The following PALS1 variants were observed in gnomAD, a reference collection of about 807,000 sequenced individuals.
The protein encoded by PALS1 is protein PALS1.
A neutral mutation model predicts 78.9 loss-of-function variants in PALS1; 31 were observed. That is an observed-to-expected ratio of 0.39 (90% CI 0.30 to 0.53). PALS1 has a LOEUF of 0.53. Ranked by LOEUF, PALS1 falls within the 20% of genes least tolerant of loss-of-function variation. The pLI, the probability that PALS1 is intolerant of heterozygous loss-of-function variation, is 0.67. For missense variants in PALS1, 704 were observed against 826.5 expected, an observed-to-expected ratio of 0.85 and a Z score of 1.82; for synonymous variants, 276 against 270.9, an observed-to-expected ratio of 1.02 and a Z score of -0.18.
At chr14:67,253,900 T>C (rs1295498700) in intron 1 of PALS1, among the ~76,000 whole-genome samples, 1 of 150,930 alleles carries the variant, frequency 6.6e-6, no homozygotes, top group African/African-American at 2.4e-5. Flanking sequence ...TGATTCAAAA[T>C]CTTAGGCTTG....
chr14:67,292,007 G>T (rs1295501801), intron 3 of PALS1, among the ~76,000 whole-genome samples: 1 of 152,082 alleles, frequency 6.6e-6, no homozygotes, highest in Non-Finnish European at 1.5e-5. Flanking sequence ...TGAAATGCTT[G>T]TTTTTATGGT....
At position 67,333,816 on chromosome 14, in the gene PALS1, TAAA is replaced by T. The variant is rs34677658; in HGVS notation, c.*863_*865del. ...GTGTTCATTATAATCTGTATTGACT[TAAA>T]AAGTTTCTTCCTCATGATGCTAATA... On this transcript the variant is annotated 3_prime_UTR_variant, in exon 15 of 15. Transcript: ENST00000261681. 8.0e-5 allele frequency: 12 copies of T among 149,910 alleles called. No homozygotes were observed. Among genetic ancestry groups the T allele is most frequent in the African/African-American group, 2.5e-4 (10 of 39,860 alleles). The allele number at this position is 149,910 out of a possible 1,614,324, so 9.3% of individuals were successfully genotyped here. A position where few individuals can be genotyped will look rare whatever the true frequency, so the allele number is the denominator to read the frequency against.
chr14:67,313,299 C>G (rs1333485840), intron 9 of PALS1, among the ~76,000 whole-genome samples: 1 of 152,162 alleles, frequency 6.6e-6, no homozygotes, highest in East Asian at 1.9e-4. Flanking sequence ...CACTTAACGA[C>G]AGGGATAAGT....
chr14:67,320,214 C>CT lies in PALS1; in HGVS notation c.1370-8dup, dbSNP rs755721654. On this transcript the variant is annotated splice_polypyrimidine_tract_variant and intron_variant, in intron 11 of 14. Transcript: ENST00000261681. Reference sequence around the variant, plus strand: ...CCATAATTTTGTTTGAAGAGCTTAACTTTTTTTTCCCAAAGATTATGACAA... The same window carrying CT: ...CCATAATTTTGTTTGAAGAGCTTAACTTTTTTTTTCCCAAAGATTATGACAA... The CT allele has an allele frequency of 3.5e-5, 56 of 1,597,752 alleles. No individual in the cohort carries two copies. The East Asian group carries it at 8.7e-4, about 25-fold the overall frequency.
intron 1 of PALS1, among the ~76,000 whole-genome samples, chr14:67,260,345 T>A (rs888508502): frequency 6.6e-6 from 1 of 152,194 alleles, no homozygotes; most frequent in African/African-American, 2.4e-5. Flanking sequence ...ACAACCCTCC[T>A]CTCTCTCATT....
At chr14:67,331,916 A>ATG (rs10631877) in intron 14 of PALS1, among the ~76,000 whole-genome samples, 23,575 of 152,090 alleles carry the variant, frequency 0.16, 3,446 homozygotes, top group East Asian at 0.42. Flanking sequence ...CCATATTCAG[A>ATG]TGTACAACAT....
chr14:67,323,232 C>CATGTGTGTATGTGTGTGTGT (rs57594216), intron 13 of PALS1, among the ~76,000 whole-genome samples: 76 of 143,620 alleles, frequency 5.3e-4, no homozygotes, highest in Non-Finnish European at 9.1e-4. Flanking sequence ...CATATATACA[C>CATGTGTGTATGTGTGTGTGT]GTGTGTGTGT....
intron 13 of PALS1, among the ~76,000 whole-genome samples, chr14:67,321,746 A>G (rs1349397299): frequency 6.6e-6 from 1 of 152,158 alleles, no homozygotes; most frequent in Non-Finnish European, 1.5e-5. Flanking sequence ...CTGTCATGTC[A>G]CTGCTCAGAA....
intron 1 of PALS1, among the ~76,000 whole-genome samples, chr14:67,265,280 G>C (rs535045619): frequency 3.0e-4 from 46 of 152,292 alleles, no homozygotes; most frequent in African/African-American, 1.1e-3. Context: ...CCCAGAGCCT[G>C]GGCATGGTGA....
intron 1 of PALS1, among the ~76,000 whole-genome samples, chr14:67,248,973 T>C (rs998024575): frequency 2.0e-5 from 3 of 151,864 alleles, no homozygotes; most frequent in Admixed American, 6.6e-5. Flanking sequence ...ATACCAATTT[T>C]TTTTTTTGAG....
chr14:67,253,527 C>T (rs2084095885), intron 1 of PALS1, among the ~76,000 whole-genome samples: 1 of 152,118 alleles, frequency 6.6e-6, no homozygotes, highest in South Asian at 2.1e-4. Flanking sequence ...GTTTTCACTA[C>T]ACATTTTTAA....
chr14:67,333,082 C>A lies in PALS1; in HGVS notation c.*126C>A. The A allele has an allele frequency of 1.3e-6, 1 of 773,782 alleles. No individual in the cohort carries two copies. 47.9% of individuals were successfully genotyped at this position (773,782 alleles called of 1,614,324 possible). Reference sequence around the variant, plus strand: ...CAGCAGTATAAGCTGTAGATCTGTTCTTAGATCTCTTGAATTAGTGAGACG... The same window carrying A: ...CAGCAGTATAAGCTGTAGATCTGTTATTAGATCTCTTGAATTAGTGAGACG... On this transcript the variant is annotated 3_prime_UTR_variant, in exon 15 of 15. Transcript: ENST00000261681.
chr14:67,301,596 A>G (rs2084933541), intron 5 of PALS1, 130 bp downstream of exon 5: 1 of 512,470 alleles, frequency 2.0e-6, no homozygotes, highest in Non-Finnish European at 3.3e-6. Context: ...AACCCCATCT[A>G]TAACATAGTA....
At chr14:67,294,636 T>A (rs1375375348) in intron 4 of PALS1, 1 of 152,162 alleles carries the variant, frequency 6.6e-6, no homozygotes, top group African/African-American at 2.4e-5. Flanking sequence ...ATCTAGCATA[T>A]TTACTAATAA....
At chr14:67,258,328 A>T (rs2084178519) in intron 1 of PALS1, among the ~76,000 whole-genome samples, 1 of 152,134 alleles carries the variant, frequency 6.6e-6, no homozygotes, top group Non-Finnish European at 1.5e-5. Context: ...TGAGCTCAGG[A>T]GTTCGAGACT....
Position 67,279,460 on chromosome 14 carries a change from C to A in PALS1, c.290C>A (p.Thr97Asn), listed in dbSNP as rs147546102. 8 of 1,611,844 alleles carry A rather than the reference C, an allele frequency of 5.0e-6. No homozygotes were observed. The African/African-American group carries it at 8.0e-5, about 16-fold the overall frequency. Reference sequence around the variant, plus strand: ...AAACTAGCCCAAATTCCTCCAAAGACCGGAATAGATAACCCTATGTTTGAT... The same window carrying A: ...AAACTAGCCCAAATTCCTCCAAAGAACGGAATAGATAACCCTATGTTTGAT... Reference protein sequence around the residue: ...LKKLAQIPPKTGIDNPMFDTE... With the variant: ...LKKLAQIPPKNGIDNPMFDTE... Residue 97 changes from threonine to asparagine, a missense_variant, in exon 3 of 15, where the codon ACC becomes AAC. Coordinates refer to ENST00000261681, the MANE Select transcript of PALS1 (RefSeq NM_022474.4).
rs35018637 is a variant in PALS1, at chr14:67,323,232, C to CGTGT, written c.1741-443_1741-440dup. On this transcript the variant is annotated intron_variant, in intron 13 of 14. Coordinates refer to ENST00000261681, the MANE Select transcript of PALS1 (RefSeq NM_022474.4). ...ATATACATATATACACATATATACA[C>CGTGT]GTGTGTGTGTGTGTGTGTGTGTGTG... Among the ~76,000 whole-genome samples, 435 of 143,614 alleles carry CGTGT rather than the reference C, an allele frequency of 3.0e-3. 1 individual carries two copies. The highest frequency in any genetic ancestry group is 0.013 in the South Asian group (54 of 4,224). 94.2% of individuals were successfully genotyped at this position (143,614 alleles called of 152,430 possible).
intron 14 of PALS1, among the ~76,000 whole-genome samples, chr14:67,325,302 T>C (rs1056152019): frequency 2.6e-5 from 4 of 152,244 alleles, no homozygotes. Flanking sequence ...ACTTAACATT[T>C]CTTAATCTAT....
intron 1 of PALS1, among the ~76,000 whole-genome samples, chr14:67,257,749 G>A (rs1439710660): frequency 5.3e-5 from 8 of 152,136 alleles, no homozygotes; most frequent in Admixed American, 5.2e-4. Flanking sequence ...AGAGTTAAAA[G>A]TGTTCTCTAT....
Sources: allele counts gnomAD v4.1 joint callset (sites outside exome capture counted in the v4.1 genomes callset), GRCh38; gene constraint gnomAD v4.1.1; transcripts MANE v1.5; gene names NCBI Gene and HGNC (gene_info 2026-07-23, HGNC 2026-07-21).